PTPRG: variants seen among roughly 807,000 people sequenced by gnomAD.
PTPRG encodes protein tyrosine phosphatase receptor type G, also known as receptor-type tyrosine-protein phosphatase gamma.
A neutral mutation model predicts 165.3 loss-of-function variants in PTPRG; 102 were observed. That is an observed-to-expected ratio of 0.62 (90% CI 0.53 to 0.73). The LOEUF (loss-of-function observed/expected upper bound fraction) is 0.73, where lower values mean the gene tolerates loss of function less well. PTPRG is among the 30% of genes least tolerant of loss of function. The probability of loss-of-function intolerance (pLI) is 0.00; values close to 1 mark genes in which losing one functional copy is unlikely to be tolerated. For missense variants in PTPRG, 1,866 were observed against 1,861.4 expected, an observed-to-expected ratio of 1.00 and a Z score of -0.05; for synonymous variants, 675 against 669.5, an observed-to-expected ratio of 1.01 and a Z score of -0.13.
In PTPRG at chr3:61,745,424, G is replaced by A. The variant is rs148549727; in HGVS notation, c.86-3454G>A. ...TGGTAGGTTGACAGTAGTAGTTCAGGAATATGCCTGTGCCCTATTTCCAGG... is the reference window on the plus strand; with the variant it reads ...TGGTAGGTTGACAGTAGTAGTTCAGAAATATGCCTGTGCCCTATTTCCAGG... On this transcript the variant is annotated intron_variant, in intron 1 of 29. Transcript: ENST00000474889. Among the ~76,000 whole-genome samples the A allele has an allele frequency of 3.3e-5, 5 of 152,280 alleles. No homozygotes were observed. The East Asian group carries it at 7.7e-4, about 24-fold the overall frequency.
At chr3:62,223,844 T>C (rs1309719377) in intron 13 of PTPRG, among the ~76,000 whole-genome samples, 3 of 152,222 alleles carry the variant, frequency 2.0e-5, no homozygotes, top group Admixed American at 2.0e-4. Flanking sequence ...CATCACATTG[T>C]ATAGCTGTAC....
chr3:62,064,573 G>A (rs1700940832), intron 4 of PTPRG, among the ~76,000 whole-genome samples: 1 of 151,944 alleles, frequency 6.6e-6, no homozygotes. Flanking sequence ...GCCATCGATG[G>A]TGGGGCATAG....
intron 2 of PTPRG, among the ~76,000 whole-genome samples, chr3:61,875,490 A>C (rs1682507371): frequency 6.6e-6 from 1 of 152,186 alleles, no homozygotes; most frequent in Non-Finnish European, 1.5e-5. Context: ...GGAAACTGGG[A>C]AGTGTTTCAA....
intron 2 of PTPRG, chr3:61,770,619 G>A (rs2034179658): frequency 6.6e-6 from 1 of 152,032 alleles, no homozygotes. Context: ...TTTGGATTAT[G>A]TCTAGTTTCT....
At chr3:62,133,796 C>T (rs973988010) in intron 6 of PTPRG, among the ~76,000 whole-genome samples, 1 of 151,958 alleles carries the variant, frequency 6.6e-6, no homozygotes, top group Non-Finnish European at 1.5e-5. Context: ...ACCAGCCTGG[C>T]CAACATGGTG....
chr3:61,953,512 G>A (rs1019904388), intron 2 of PTPRG, among the ~76,000 whole-genome samples: 1 of 152,128 alleles, frequency 6.6e-6, no homozygotes, highest in South Asian at 2.1e-4. Context: ...GGTTACCTAC[G>A]GGCTCCCTAG....
chr3:61,671,889 C>A (rs768366663), intron 1 of PTPRG, among the ~76,000 whole-genome samples: 1 of 137,818 alleles, frequency 7.3e-6, no homozygotes, highest in African/African-American at 2.8e-5. Context: ...GCTGGATGGG[C>A]GGGGGGGGCT....
At chr3:62,208,323 T>C (rs140679169) in intron 12 of PTPRG, among the ~76,000 whole-genome samples, 228 of 152,348 alleles carry the variant, frequency 1.5e-3, no homozygotes, top group African/African-American at 4.9e-3. Flanking sequence ...TGAAATGTTC[T>C]TGGGGGTACT....
At chr3:62,014,492 C>A (rs945497890) in intron 4 of PTPRG, among the ~76,000 whole-genome samples, 1 of 152,196 alleles carries the variant, frequency 6.6e-6, no homozygotes, top group Non-Finnish European at 1.5e-5. Flanking sequence ...AAAATAACTT[C>A]TAAATCCCAG....
intron 2 of PTPRG, among the ~76,000 whole-genome samples, chr3:61,980,676 A>C (rs908836671): frequency 3.9e-5 from 6 of 152,244 alleles, no homozygotes; most frequent in African/African-American, 1.2e-4. Flanking sequence ...AATAGCACAA[A>C]GCCTACTCAG....
Position 62,275,903 on chromosome 3 carries a change from G to C in PTPRG, c.3496G>C (p.Glu1166Gln). 1 of 1,611,308 alleles carries C rather than the reference G, an allele frequency of 6.2e-7. No homozygotes were observed. The highest frequency in any genetic ancestry group is 2.2e-5 in the East Asian group (1 of 44,802). The change falls in exon 24 of 30, where the codon GAA (glutamate) becomes CAA (glutamine). Residue 1166 changes from glutamate (E) to glutamine (Q), a missense_variant. By Grantham distance (29) the Glu-to-Gln change is conservative. Transcript: ENST00000474889. Reference protein sequence around the residue: ...LVTQCNAKYVECFSAQKECNK... With the variant: ...LVTQCNAKYVQCFSAQKECNK... ...CACACAGTGTAATGCAAAATATGTG[G>C]AATGTTTCAGTGCTCAGAAAGAGTG...
At chr3:61,713,327 A>ATT (rs556907427) in intron 1 of PTPRG, among the ~76,000 whole-genome samples, 41 of 135,516 alleles carry the variant, frequency 3.0e-4, no homozygotes, top group Middle Eastern at 3.8e-3. Flanking sequence ...CGCTCAGCTA[A>ATT]TTTTTTTTTT....
intron 2 of PTPRG, among the ~76,000 whole-genome samples, chr3:61,880,924 T>TAAA (rs2037871233): frequency 1.3e-5 from 2 of 151,528 alleles, no homozygotes; most frequent in African/African-American, 4.9e-5. Context: ...TACTGACCTT[T>TAAA]TAGAGAGACC....
chr3:62,081,764 A>AT (rs1480659963), intron 5 of PTPRG, among the ~76,000 whole-genome samples: 2 of 152,116 alleles, frequency 1.3e-5, no homozygotes, highest in African/African-American at 4.8e-5. Flanking sequence ...TCATTTTTTA[A>AT]TTTTTTTGCT....
chr3:61,675,476 A>C (rs1430035116), intron 1 of PTPRG, among the ~76,000 whole-genome samples: 1 of 152,112 alleles, frequency 6.6e-6, no homozygotes, highest in African/African-American at 2.4e-5. Context: ...AAAACATATC[A>C]GCCAGAAACT....
chr3:61,782,695 C>A (rs1347249204), intron 2 of PTPRG, among the ~76,000 whole-genome samples: 1 of 152,182 alleles, frequency 6.6e-6, no homozygotes, highest in Non-Finnish European at 1.5e-5. Flanking sequence ...ACCTAGTTGA[C>A]CTGGCGCATT....
intron 26 of PTPRG, among the ~76,000 whole-genome samples, chr3:62,281,207 G>A (rs1358755931): frequency 1.3e-5 from 2 of 152,128 alleles, no homozygotes; most frequent in East Asian, 1.9e-4. Context: ...AGCATGTCTT[G>A]ATTGCTTAAG....
intron 9 of PTPRG, among the ~76,000 whole-genome samples, chr3:62,194,855 G>A (rs925280477): frequency 3.3e-5 from 5 of 152,048 alleles, no homozygotes; most frequent in African/African-American, 1.2e-4. Flanking sequence ...GAACATTTCG[G>A]TGTTGAAAAC....
rs34010935 is a variant in PTPRG at position 61,742,403 on chromosome 3, A to ATTTTTTT, written c.86-6461_86-6455dup. 2.6e-5 allele frequency: 19 copies of ATTTTTTT among 734,632 alleles called. 1 individual carries two copies. The highest frequency in any genetic ancestry group is 9.7e-5 in the South Asian group (4 of 41,370). 45.5% of individuals were successfully genotyped at this position (734,632 alleles called of 1,614,324 possible). A position where few individuals can be genotyped will look rare whatever the true frequency, so the allele number is the denominator to read the frequency against. On this transcript the variant is annotated intron_variant, in intron 1 of 29. Transcript: ENST00000474889. Reference sequence around the variant, plus strand: ...AAGAAATTGGGCCTTTGGGTCTGGAATTTTTTTTTTTTTTTTTTTTGAACT... The same window carrying ATTTTTTT: ...AAGAAATTGGGCCTTTGGGTCTGGAATTTTTTTTTTTTTTTTTTTTTTTTTTTGAACT...
Sources: allele counts gnomAD v4.1 joint callset (sites outside exome capture counted in the v4.1 genomes callset), GRCh38; gene constraint gnomAD v4.1.1; transcripts MANE v1.5; gene names NCBI Gene and HGNC (gene_info 2026-07-23, HGNC 2026-07-21).